SLC9A4: variants seen among roughly 807,000 people sequenced by gnomAD.
SLC9A4 encodes sodium/hydrogen exchanger 4.
Under a neutral mutation model 67.4 loss-of-function variants are expected in SLC9A4, and 63 were observed. The ratio of observed to expected loss-of-function variants is 0.93; its 90% CI spans 0.76 to 1.15. The LOEUF is 1.15. SLC9A4 is among the 50% of genes most tolerant of loss of function. The pLI is 0.00. For missense variants in SLC9A4, 1,089 were observed against 987.7 expected (o/e 1.10, Z -1.38); for synonymous variants, 393 against 367.2 (o/e 1.07, Z -0.80).
intron 11 of SLC9A4, among the ~76,000 whole-genome samples, chr2:102,529,496 C>T (rs2104451709): frequency 6.6e-6 from 1 of 152,232 alleles, no homozygotes; most frequent in East Asian, 1.9e-4. Context: ...GGAATTAACT[C>T]TACTGTGAAT....
chr2:102,505,194 G>A (rs1023323155), intron 3 of SLC9A4, 60 bp from the exon 4 acceptor site: 1 of 1,514,560 alleles, frequency 6.6e-7, no homozygotes, highest in Non-Finnish European at 9.0e-7. Flanking sequence ...CTGTGGGGAG[G>A]GCGTTTTGTG....
At chr2:102,494,268 G>A (rs1684761646) in intron 2 of SLC9A4, among the ~76,000 whole-genome samples, 1 of 151,794 alleles carries the variant, frequency 6.6e-6, no homozygotes, top group Admixed American at 6.6e-5. Flanking sequence ...ATATGAACTG[G>A]TATAATGTTA....
chr2:102,524,278 G>A (rs914557568), intron 9 of SLC9A4, among the ~76,000 whole-genome samples: 8 of 152,168 alleles, frequency 5.3e-5, no homozygotes, highest in Non-Finnish European at 8.8e-5. Flanking sequence ...CTGACCCCTG[G>A]CAAACTGAGC....
chr2:102,514,856 G>T (rs72993730), intron 8 of SLC9A4, among the ~76,000 whole-genome samples: 2,403 of 152,258 alleles, frequency 0.016, 70 homozygotes, highest in African/African-American at 0.054. Flanking sequence ...GATTCCTGGG[G>T]AACAGGGAGT....
chr2:102,499,612 T>C (rs539356601), intron 2 of SLC9A4, among the ~76,000 whole-genome samples: 1 of 152,316 alleles, frequency 6.6e-6, no homozygotes, highest in Admixed American at 6.5e-5. Flanking sequence ...GTTGTGTGTG[T>C]ACTTGCTTGG....
In SLC9A4 at chr2:102,532,842, A is replaced by G; in HGVS notation, c.*154A>G. On this transcript the variant is annotated 3_prime_UTR_variant, in exon 12 of 12. Coordinates refer to ENST00000295269, the MANE Select transcript of SLC9A4 (RefSeq NM_001011552.4). Reference sequence around the variant, plus strand: ...TATAAGCAGCAGGAAGATTTTTTCCAAGGACTGGGAGCAAACTTGCAGGCT... The same window carrying G: ...TATAAGCAGCAGGAAGATTTTTTCCGAGGACTGGGAGCAAACTTGCAGGCT... 2 of 799,616 alleles carry G rather than the reference A, an allele frequency of 2.5e-6. No individual in the cohort carries two copies. The highest frequency in any genetic ancestry group is 5.4e-5 in the East Asian group (2 of 36,716). 49.5% of individuals were successfully genotyped at this position (799,616 alleles called of 1,614,324 possible).
At chr2:102,509,214 C>G (rs949279800) in intron 6 of SLC9A4, among the ~76,000 whole-genome samples, 2 of 152,220 alleles carry the variant, frequency 1.3e-5, no homozygotes, top group Admixed American at 6.5e-5. Context: ...GTTTCCTCAC[C>G]TCCCACAGCT....
chr2:102,517,108 A>G lies in SLC9A4; in HGVS notation c.1722-2751A>G, dbSNP rs559066417. Among the ~76,000 whole-genome samples, 207 of 152,230 alleles carry G rather than the reference A, an allele frequency of 1.4e-3. 1 individual carries two copies. Among genetic ancestry groups the G allele is most frequent in the African/African-American group, 4.7e-3 (197 of 41,532 alleles). ...TCTGATGCCATTTTTCACTTCCACA[A>G]TGGAACACTGTATTTTGAGGAGCAG... On this transcript the variant is annotated intron_variant, in intron 8 of 11. Coordinates refer to ENST00000295269, the MANE Select transcript of SLC9A4 (RefSeq NM_001011552.4).
In SLC9A4 at chr2:102,503,604, C is replaced by T. The variant is rs749860581; in HGVS notation, c.877C>T (p.Arg293Cys). 2 of 1,614,174 alleles carry T rather than the reference C, an allele frequency of 1.2e-6. No homozygotes were observed. Among genetic ancestry groups the T allele is most frequent in the Admixed American group, 1.7e-5 (1 of 60,014 alleles). Residue 293 changes from arginine (R) to cysteine (C), a missense_variant, in exon 3 of 12, where the codon CGT becomes TGT. Physicochemically the swap from Arg to Cys is radical, Grantham distance 180 (BLOSUM62 -3). Coordinates refer to ENST00000295269, the MANE Select transcript of SLC9A4 (RefSeq NM_001011552.4). ...TGGATTTATTTCTGCATTTATCACA[C>T]GTTTCACTCAGAATATCTCTGCAAT... ...VFGFISAFIT[R>C]FTQNISAIEP...
rs765578853 is a variant in SLC9A4, at chr2:102,473,745, G to T, written c.-15G>T. 6.2e-7 allele frequency: 1 copy of T among 1,612,888 alleles called. No individual in the cohort carries two copies. The highest frequency in any genetic ancestry group is 2.2e-5 in the East Asian group (1 of 44,870). On this transcript the variant is annotated 5_prime_UTR_variant, in exon 1 of 12. Transcript: ENST00000295269. ...CACATCCACACAGGGGTGTAGGTAG[G>T]AGAAGCCCACAGGAATGGCTCTGCA... is the stretch of plus-strand genomic sequence containing the variant.
chr2:102,507,425 G>A (rs1325196551), intron 4 of SLC9A4, among the ~76,000 whole-genome samples: 3 of 152,182 alleles, frequency 2.0e-5, no homozygotes, highest in Non-Finnish European at 2.9e-5. Flanking sequence ...GCTTGGGGAT[G>A]AAAACCAATG....
intron 2 of SLC9A4, among the ~76,000 whole-genome samples, chr2:102,498,766 A>T (rs1356064271): frequency 6.6e-6 from 1 of 152,162 alleles, no homozygotes; most frequent in African/African-American, 2.4e-5. Flanking sequence ...TTTTTCAAAT[A>T]CTCAGCCCAG....
chr2:102,508,989 C>T, intron 6 of SLC9A4, 56 bp downstream of exon 6: 1 of 1,465,406 alleles, frequency 6.8e-7, no homozygotes, highest in Non-Finnish European at 9.5e-7. Context: ...CCCTTTGTCA[C>T]CATGAGACAT....
intron 11 of SLC9A4, among the ~76,000 whole-genome samples, chr2:102,528,960 T>A (rs375086957): frequency 6.6e-5 from 10 of 152,174 alleles, no homozygotes; most frequent in African/African-American, 2.2e-4. Context: ...TGATATTGGT[T>A]CCCTCCATAT....
At chr2:102,484,954 A>C (rs1003270751) in intron 2 of SLC9A4, among the ~76,000 whole-genome samples, 3 of 151,842 alleles carry the variant, frequency 2.0e-5, no homozygotes, top group African/African-American at 7.3e-5. Context: ...CTCTAGGAGG[A>C]TAGTGGGAGG....
chr2:102,475,578 A>G (rs1684313519), intron 1 of SLC9A4, among the ~76,000 whole-genome samples: 1 of 152,210 alleles, frequency 6.6e-6, no homozygotes, highest in Middle Eastern at 3.2e-3. Flanking sequence ...TGAAAATACG[A>G]TTATTCATAG....
At chr2:102,531,685 A>G (rs1335343566) in intron 11 of SLC9A4, among the ~76,000 whole-genome samples, 1 of 152,228 alleles carries the variant, frequency 6.6e-6, no homozygotes, top group Non-Finnish European at 1.5e-5. Flanking sequence ...ATGGCATGAT[A>G]TATTTAAAAG....
intron 6 of SLC9A4, among the ~76,000 whole-genome samples, chr2:102,511,284 C>T (rs1573348269): frequency 6.6e-6 from 1 of 152,232 alleles, no homozygotes; most frequent in East Asian, 1.9e-4. Context: ...AAATAATTAA[C>T]AGATAAGGAT....
At chr2:102,523,024 G>A (rs1164220608) in intron 9 of SLC9A4, among the ~76,000 whole-genome samples, 1 of 151,984 alleles carries the variant, frequency 6.6e-6, no homozygotes, top group African/African-American at 2.4e-5. Flanking sequence ...GCTAGAGTGC[G>A]GTGGCATGAT....
Sources: allele counts gnomAD v4.1 joint callset (sites outside exome capture counted in the v4.1 genomes callset), GRCh38; gene constraint gnomAD v4.1.1; transcripts MANE v1.5; gene names NCBI Gene and HGNC (gene_info 2026-07-23, HGNC 2026-07-21).